Variants in CLCN3 observed in about 807,000 individuals in gnomAD.
CLCN3 encodes Cl-/H+ antiporter 3.
In CLCN3, 16 loss-of-function variants were observed where a neutral mutation model predicts 83.4. That is an observed-to-expected ratio of 0.19 (90% confidence interval 0.13 to 0.29). CLCN3 has a LOEUF of 0.29. CLCN3 is among the 10% of genes least tolerant of loss of function. The probability of loss-of-function intolerance (pLI) is 1.00; values close to 1 mark genes in which losing one functional copy is unlikely to be tolerated. For missense variants in CLCN3, 544 were observed against 1,006.0 expected, an observed-to-expected ratio of 0.54 and a Z score of 6.21; for synonymous variants, 322 against 346.2, an observed-to-expected ratio of 0.93 and a Z score of 0.78.
At chr4:169,685,604 A>G (rs1454419859) in intron 3 of CLCN3, among the ~76,000 whole-genome samples, 3 of 152,092 alleles carry the variant, frequency 2.0e-5, no homozygotes, top group African/African-American at 4.8e-5. Context: ...TGCTATGTTG[A>G]TGAACATTTA....
At chr4:169,667,620 G>T (rs910728520) in intron 2 of CLCN3, among the ~76,000 whole-genome samples, 1 of 150,776 alleles carries the variant, frequency 6.6e-6, no homozygotes, top group African/African-American at 2.4e-5. Flanking sequence ...ATGCATGAAT[G>T]ATGCATTTTA....
rs545145780 is a variant in CLCN3, at chr4:169,620,622, C to A, written c.-458C>A. The A allele has an allele frequency of 1.2e-4, 48 of 397,472 alleles. 2 individuals carry two copies. The South Asian group carries it at 5.0e-3, about 41-fold the overall frequency. 24.6% of individuals were successfully genotyped at this position (397,472 alleles called of 1,614,324 possible). A position where few individuals can be genotyped will look rare whatever the true frequency, so the allele number is the denominator to read the frequency against. ...CAGGGCCGGTCCGGTCCGGAACCTGCAGCCCCTTTCCCAGTGTTCTAGTTC... is the reference window on the plus strand; with the variant it reads ...CAGGGCCGGTCCGGTCCGGAACCTGAAGCCCCTTTCCCAGTGTTCTAGTTC... On this transcript the variant is annotated 5_prime_UTR_variant, in exon 1 of 13. Transcript: ENST00000513761.
intron 2 of CLCN3, among the ~76,000 whole-genome samples, chr4:169,640,119 T>C (rs1391437215): frequency 6.6e-6 from 1 of 152,250 alleles, no homozygotes; most frequent in Non-Finnish European, 1.5e-5. Flanking sequence ...GACTGGCTTA[T>C]GGTAAGGTAA....
intron 2 of CLCN3, among the ~76,000 whole-genome samples, chr4:169,675,178 T>G (rs1355521204): frequency 3.3e-5 from 5 of 152,228 alleles, no homozygotes; most frequent in African/African-American, 9.6e-5. Flanking sequence ...CTCCCAGAAT[T>G]ATCAAAAAAC....
chr4:169,719,243 G>T (rs1560879560), intron 12 of CLCN3, among the ~76,000 whole-genome samples: 1 of 152,188 alleles, frequency 6.6e-6, no homozygotes. Flanking sequence ...GGGACGGGTG[G>T]ATCACAAGGT....
intron 1 of CLCN3, among the ~76,000 whole-genome samples, chr4:169,621,595 T>C (rs1030523798): frequency 6.6e-6 from 1 of 152,220 alleles, no homozygotes; most frequent in African/African-American, 2.4e-5. Flanking sequence ...GAGATTTCTG[T>C]TTCCTTTAGA....
At chr4:169,675,613 G>T (rs552666095) in intron 2 of CLCN3, among the ~76,000 whole-genome samples, 1 of 152,146 alleles carries the variant, frequency 6.6e-6, no homozygotes, top group East Asian at 1.9e-4. Context: ...ATTAAAATCT[G>T]CATTACAAAA....
chr4:169,671,694 A>G (rs897369171), intron 2 of CLCN3, among the ~76,000 whole-genome samples: 13 of 152,176 alleles, frequency 8.5e-5, no homozygotes, highest in African/African-American at 2.4e-4. Flanking sequence ...CGTGTTCTCC[A>G]TGCTCTGCTG....
At chr4:169,688,924 G>T (rs186328580) in intron 4 of CLCN3, 119 bp from the exon 5 acceptor site, 7 of 713,896 alleles carry the variant, frequency 9.8e-6, no homozygotes, top group African/African-American at 5.5e-5. Flanking sequence ...TTTATATGTA[G>T]TTCATAAATG....
At chr4:169,683,201 A>G (rs1284481418) in intron 3 of CLCN3, among the ~76,000 whole-genome samples, 1 of 152,196 alleles carries the variant, frequency 6.6e-6, no homozygotes, top group East Asian at 1.9e-4. Flanking sequence ...ACTGAGATCA[A>G]AGGAAACCAA....
Position 169,620,956 on chromosome 4 carries a change from C to G in CLCN3, c.-124C>G. 2.5e-6 allele frequency: 1 copy of G among 398,528 alleles called. No homozygotes were observed. Among genetic ancestry groups the G allele is most frequent in the Non-Finnish European group, 4.4e-6 (1 of 226,060 alleles). 24.7% of individuals were successfully genotyped at this position (398,528 alleles called of 1,614,324 possible). A position where few individuals can be genotyped will look rare whatever the true frequency, so the allele number is the denominator to read the frequency against. ...GATAGTTTTCGCTGTGTCAGGCTTT[C>G]TTCGGTGGAGCTCCGAGGGTAGCTA... On this transcript the variant is annotated 5_prime_UTR_variant, in exon 1 of 13. Transcript: ENST00000513761.
At chr4:169,692,430 AT>A (rs1732407694) in intron 7 of CLCN3, 110 bp downstream of exon 7, 1 of 466,160 alleles carries the variant, frequency 2.1e-6, no homozygotes, top group Non-Finnish European at 3.5e-6. Context: ...CAGATAAAAA[AT>A]TTTGAGATTT....
At chr4:169,708,154 C>T (rs1733063600) in intron 11 of CLCN3, among the ~76,000 whole-genome samples, 1 of 152,162 alleles carries the variant, frequency 6.6e-6, no homozygotes, top group Non-Finnish European at 1.5e-5. Flanking sequence ...GTGAGCATAT[C>T]ATCTCCCTTC....
rs1731868541 is a variant in CLCN3 at position 169,679,929 on chromosome 4, G to A, written c.161-121G>A. ...GGGAGACCGTGGAAAGCGGGAGGTGGAGACGAGGGAGAGGGAGAGGGATTA... is the reference window on the plus strand; with the variant it reads ...GGGAGACCGTGGAAAGCGGGAGGTGAAGACGAGGGAGAGGGAGAGGGATTA... On this transcript the variant is annotated intron_variant, in intron 2 of 12. Coordinates refer to ENST00000513761, the MANE Select transcript of CLCN3 (RefSeq NM_001829.4). The A allele has an allele frequency of 4.0e-6, 3 of 752,234 alleles. No individual in the cohort carries two copies. In the South Asian group the frequency reaches 4.7e-5, roughly 12 times the overall value. The allele number at this position is 752,234 out of a possible 1,614,324, so 46.6% of individuals were successfully genotyped here.
At chr4:169,714,676 A>C (rs1197016910) in intron 12 of CLCN3, among the ~76,000 whole-genome samples, 1 of 152,190 alleles carries the variant, frequency 6.6e-6, no homozygotes, top group Non-Finnish European at 1.5e-5. Context: ...AGATTGAGTT[A>C]AGAATAGAAA....
intron 2 of CLCN3, among the ~76,000 whole-genome samples, chr4:169,656,434 A>G (rs917760976): frequency 1.3e-5 from 2 of 152,172 alleles, no homozygotes; most frequent in Non-Finnish European, 2.9e-5. Flanking sequence ...CTATAATGAG[A>G]TAGCACCAAG....
chr4:169,661,994 TTAA>T (rs1230435734), intron 2 of CLCN3, among the ~76,000 whole-genome samples: 1 of 152,128 alleles, frequency 6.6e-6, no homozygotes, highest in Non-Finnish European at 1.5e-5. Flanking sequence ...CATTTGGTTG[TTAA>T]TGATGATAGA....
intron 2 of CLCN3, chr4:169,663,696 A>C: frequency 2.6e-6 from 1 of 389,404 alleles, no homozygotes; most frequent in Non-Finnish European, 5.0e-6. Flanking sequence ...AAGTTTATGA[A>C]GTAGGTACTG....
chr4:169,650,476 AG>A (rs1296856615), intron 2 of CLCN3, among the ~76,000 whole-genome samples: 2 of 152,230 alleles, frequency 1.3e-5, no homozygotes, highest in African/African-American at 4.8e-5. Context: ...TATTCTAATG[AG>A]TAAGACATTT....
Sources: allele counts gnomAD v4.1 joint callset (sites outside exome capture counted in the v4.1 genomes callset), GRCh38; gene constraint gnomAD v4.1.1; transcripts MANE v1.5; gene names NCBI Gene and HGNC (gene_info 2026-07-23, HGNC 2026-07-21).